PDE1C: variants seen among roughly 807,000 people sequenced by gnomAD.
PDE1C encodes the protein phosphodiesterase 1C.
A neutral mutation model predicts 93.1 loss-of-function variants in PDE1C; 62 were observed. That is an observed-to-expected ratio of 0.67 (90% CI 0.54 to 0.82). The LOEUF is 0.82. Among genes scored for constraint, PDE1C ranks in the 40% least tolerant of loss-of-function variants. PDE1C has a pLI of 0.00. For missense variants in PDE1C, 742 were observed against 884.6 expected (o/e 0.84, Z 2.04); for synonymous variants, 325 against 310.1 (o/e 1.05, Z -0.50).
chr7:31,948,233 T>C (rs1584131155), intron 2 of PDE1C, among the ~76,000 whole-genome samples: 2 of 152,216 alleles, frequency 1.3e-5, no homozygotes, highest in Admixed American at 6.5e-5. Context: ...CAGTGACTCA[T>C]GTGAGAGTTC....
At chr7:32,033,919 T>C (rs1367252643) in intron 2 of PDE1C, among the ~76,000 whole-genome samples, 2 of 152,202 alleles carry the variant, frequency 1.3e-5, no homozygotes, top group African/African-American at 2.4e-5. Context: ...CCAACCATTA[T>C]CAGTAATTTT....
At chr7:31,969,756 T>C (rs1192954201) in intron 2 of PDE1C, among the ~76,000 whole-genome samples, 1 of 152,194 alleles carries the variant, frequency 6.6e-6, no homozygotes, top group Non-Finnish European at 1.5e-5. Context: ...TGCCCATCAA[T>C]GATAGACTGG....
At chr7:31,851,227 C>G (rs986940215) in intron 7 of PDE1C, among the ~76,000 whole-genome samples, 7 of 152,208 alleles carry the variant, frequency 4.6e-5, no homozygotes, top group South Asian at 2.1e-4. Flanking sequence ...GCTTTCTGCT[C>G]TATGCATGCT....
the PDE1C span, among the ~76,000 whole-genome samples, chr7:31,624,187 C>G: frequency 1.3e-5 from 2 of 148,852 alleles, no homozygotes; most frequent in Non-Finnish European, 3.0e-5. Context: ...GTGAAAATGG[C>G]CATACTGCCC....
chr7:32,276,387 C>A (rs1382389322), intron 1 of PDE1C, among the ~76,000 whole-genome samples: 2 of 152,250 alleles, frequency 1.3e-5, no homozygotes, highest in South Asian at 2.1e-4. Context: ...AAGAAAAAAA[C>A]GTTTAAACTT....
chr7:31,934,191 T>A (rs1804706716), intron 2 of PDE1C, among the ~76,000 whole-genome samples: 1 of 152,162 alleles, frequency 6.6e-6, no homozygotes, highest in Non-Finnish European at 1.5e-5. Flanking sequence ...CAAATGAATG[T>A]AGGACTCCTC....
At chr7:31,707,073 G>A in the PDE1C span, 2 of 741,002 alleles carry the variant, frequency 2.7e-6, no homozygotes, top group Admixed American at 6.1e-5. Context: ...GGTTGGTACT[G>A]TTAGCAGGTA....
At chr7:31,629,007 T>G in the PDE1C span, among the ~76,000 whole-genome samples, 1 of 151,986 alleles carries the variant, frequency 6.6e-6, no homozygotes, top group African/African-American at 2.4e-5. Context: ...AGTAGAAAAA[T>G]TAAAGTCTCC....
chr7:31,732,333 T>A, the PDE1C span, among the ~76,000 whole-genome samples: 1 of 152,200 alleles, frequency 6.6e-6, no homozygotes, highest in Non-Finnish European at 1.5e-5. Context: ...TAGAATACAG[T>A]GCCCAGTTGT....
chr7:31,892,535 T>C (rs1403701818), intron 2 of PDE1C, among the ~76,000 whole-genome samples: 1 of 152,180 alleles, frequency 6.6e-6, no homozygotes, highest in Non-Finnish European at 1.5e-5. Context: ...TTCAGTTCAT[T>C]CTCAGAAGTT....
intron 1 of PDE1C, among the ~76,000 whole-genome samples, chr7:32,286,472 AGTATACATG>A (rs1812008102): frequency 6.6e-6 from 1 of 152,268 alleles, no homozygotes; most frequent in East Asian, 1.9e-4. Flanking sequence ...AGAAAATAGT[AGTATACATG>A]GTGTGTGGAA....
intron 3 of PDE1C, among the ~76,000 whole-genome samples, chr7:32,085,307 A>C: frequency 8.9e-6 from 1 of 112,390 alleles, no homozygotes; most frequent in Non-Finnish European, 1.8e-5. Flanking sequence ...AACAAAGAAG[A>C]ATTTGAATCT....
chr7:32,287,121 C>T (rs1357698791), intron 1 of PDE1C, among the ~76,000 whole-genome samples: 1 of 152,200 alleles, frequency 6.6e-6, no homozygotes. Flanking sequence ...AAATACTCAA[C>T]AACTGATTCT....
chr7:32,406,046 T>C (rs1258048943), intron 1 of PDE1C, among the ~76,000 whole-genome samples: 1 of 152,030 alleles, frequency 6.6e-6, no homozygotes, highest in Non-Finnish European at 1.5e-5. Flanking sequence ...CCCCCTGAGG[T>C]AGACGTTACA....
the PDE1C span, among the ~76,000 whole-genome samples, chr7:31,667,049 G>A: frequency 6.6e-6 from 1 of 152,080 alleles, no homozygotes; most frequent in Non-Finnish European, 1.5e-5. Context: ...TCGGGATGTG[G>A]GCTAAGCATT....
chr7:32,182,813 G>A (rs1803537516), intron 2 of PDE1C, among the ~76,000 whole-genome samples: 1 of 152,124 alleles, frequency 6.6e-6, no homozygotes, highest in South Asian at 2.1e-4. Context: ...AATCAGGCAG[G>A]AGAAGGAAAT....
intron 3 of PDE1C, among the ~76,000 whole-genome samples, chr7:32,121,565 T>A (rs1048981035): frequency 6.6e-6 from 1 of 152,036 alleles, no homozygotes; most frequent in African/African-American, 2.4e-5. Context: ...CCAGAAAAAA[T>A]TGGGGGCCAA....
At chr7:32,327,769 CAAAAA>C (rs34543961) in intron 1 of PDE1C, among the ~76,000 whole-genome samples, 6 of 104,796 alleles carry the variant, frequency 5.7e-5, no homozygotes, top group Admixed American at 3.1e-4. Flanking sequence ...GACTCTGTCT[CAAAAA>C]AAAAAAAAAA....
chr7:32,398,206 A>G (rs1784873024), intron 1 of PDE1C, among the ~76,000 whole-genome samples: 1 of 146,134 alleles, frequency 6.8e-6, no homozygotes, highest in African/African-American at 2.5e-5. Flanking sequence ...CCAGCTACTC[A>G]GGAGGCTGAG....
Sources: gnomAD v4.1 joint callset for allele counts (sites outside exome capture counted in the v4.1 genomes callset) on GRCh38, gnomAD v4.1.1 for gene constraint, MANE v1.5 for transcripts, NCBI Gene and HGNC (gene_info 2026-07-23, HGNC 2026-07-21) for gene names.